Variants in MYRIP observed in about 807,000 individuals in gnomAD.
MYRIP encodes rab effector MyRIP.
In MYRIP, 49 loss-of-function variants were observed where a neutral mutation model predicts 98.0. The observed-to-expected ratio is 0.50, with a 90% CI of 0.40 to 0.63. The LOEUF (loss-of-function observed/expected upper bound fraction) is 0.63, where lower values mean the gene tolerates loss of function less well. Ranked by LOEUF, MYRIP falls within the 30% of genes least tolerant of loss-of-function variation. The pLI is 0.00. For missense variants in MYRIP, 1,004 were observed against 1,058.2 expected (o/e 0.95, Z 0.71); for synonymous variants, 404 against 409.5 (o/e 0.99, Z 0.16).
At chr3:40,120,941 C>T (rs1294908777) in intron 3 of MYRIP, among the ~76,000 whole-genome samples, 1 of 152,022 alleles carries the variant, frequency 6.6e-6, no homozygotes. Context: ...CCCCCATCCC[C>T]CAGTCCTGAC....
intron 1 of MYRIP, among the ~76,000 whole-genome samples, chr3:39,883,367 A>ATTT (rs1479368611): frequency 6.6e-6 from 1 of 152,186 alleles, no homozygotes; most frequent in Non-Finnish European, 1.5e-5. Flanking sequence ...ACAAACATAC[A>ATTT]TCCTCTCTAG....
chr3:40,098,605 C>T (rs1019294923), intron 3 of MYRIP, among the ~76,000 whole-genome samples: 4 of 152,118 alleles, frequency 2.6e-5, no homozygotes, highest in Non-Finnish European at 4.4e-5. Context: ...CTAGTGCTAC[C>T]AACCTCTTCA....
chr3:40,077,904 C>T (rs2125866129), intron 3 of MYRIP, among the ~76,000 whole-genome samples: 1 of 150,406 alleles, frequency 6.6e-6, no homozygotes, highest in South Asian at 2.1e-4. Context: ...GCCTGCCAGT[C>T]CCGCGCCCTG....
rs897903747 is a variant in MYRIP, at chr3:39,915,041, A to T, written c.110+14115A>T. 8.5e-5 allele frequency among the ~76,000 whole-genome samples: 13 copies of T among 152,208 alleles called. No individual in the cohort carries two copies. The East Asian group carries it at 2.5e-3, about 29-fold the overall frequency. On this transcript the variant is annotated intron_variant, in intron 2 of 16. Coordinates refer to ENST00000302541, the MANE Select transcript of MYRIP (RefSeq NM_015460.4). ...TGTCATTGGATCATAACATTTCTAC[A>T]TGGAAGAACAAAGGCCTTAACAGTA...
At chr3:40,021,456 A>G (rs1946995899) in intron 2 of MYRIP, among the ~76,000 whole-genome samples, 1 of 152,250 alleles carries the variant, frequency 6.6e-6, no homozygotes, top group Admixed American at 6.5e-5. Context: ...TAAATGTCAG[A>G]AAATGTGTGA....
chr3:39,981,750 C>T (rs1047430510), intron 2 of MYRIP, among the ~76,000 whole-genome samples: 3 of 152,154 alleles, frequency 2.0e-5, no homozygotes, highest in African/African-American at 7.2e-5. Flanking sequence ...ATTGCAGGAA[C>T]ATATGTTACG....
chr3:39,923,574 T>C (rs1944351226), intron 2 of MYRIP, among the ~76,000 whole-genome samples: 1 of 152,082 alleles, frequency 6.6e-6, no homozygotes, highest in Admixed American at 6.5e-5. Flanking sequence ...AAATATTCTT[T>C]AGGAATGAAG....
intron 2 of MYRIP, among the ~76,000 whole-genome samples, chr3:40,025,282 A>C (rs943070046): frequency 6.6e-6 from 1 of 152,162 alleles, no homozygotes; most frequent in African/African-American, 2.4e-5. Context: ...TGTCATTAAC[A>C]TTTGGAGGGA....
intron 8 of MYRIP, among the ~76,000 whole-genome samples, chr3:40,181,331 C>G (rs1212671666): frequency 1.1e-4 from 17 of 152,098 alleles, no homozygotes; most frequent in Admixed American, 1.1e-3. Flanking sequence ...GGCTAGGTAC[C>G]TGTGGGAGAG....
At chr3:39,994,500 T>A (rs1946281081) in intron 2 of MYRIP, among the ~76,000 whole-genome samples, 1 of 152,184 alleles carries the variant, frequency 6.6e-6, no homozygotes, top group Admixed American at 6.5e-5. Flanking sequence ...GAGGGGCGCC[T>A]GCCATTGCTG....
At chr3:39,885,523 C>T (rs897631710) in intron 1 of MYRIP, among the ~76,000 whole-genome samples, 1 of 152,062 alleles carries the variant, frequency 6.6e-6, no homozygotes, top group African/African-American at 2.4e-5. Flanking sequence ...CTCTGTATTT[C>T]CTGAATCTGA....
At chr3:40,114,159 T>C (rs531588299) in intron 3 of MYRIP, among the ~76,000 whole-genome samples, 19 of 152,336 alleles carry the variant, frequency 1.2e-4, no homozygotes, top group African/African-American at 4.3e-4. Flanking sequence ...AACAACATAC[T>C]GCATATACAA....
chr3:39,955,523 G>A (rs1293666312), intron 2 of MYRIP, among the ~76,000 whole-genome samples: 1 of 152,098 alleles, frequency 6.6e-6, no homozygotes, highest in Non-Finnish European at 1.5e-5. Context: ...AGCTCCTGAA[G>A]GAAGCACTAA....
intron 1 of MYRIP, among the ~76,000 whole-genome samples, chr3:39,872,198 A>C (rs1942812986): frequency 1.3e-5 from 2 of 152,088 alleles, no homozygotes; most frequent in African/African-American, 4.8e-5. Context: ...TTACATAGAG[A>C]AATGTAAAGA....
chr3:39,963,068 T>C (rs1055877866), intron 2 of MYRIP, among the ~76,000 whole-genome samples: 14 of 152,104 alleles, frequency 9.2e-5, no homozygotes, highest in African/African-American at 3.4e-4. Flanking sequence ...CTAGATGTTA[T>C]AGAAACGTAA....
In MYRIP at chr3:40,038,549, A is replaced by G. The variant is rs141021527; in HGVS notation, c.111-5501A>G. 8.5e-5 allele frequency among the ~76,000 whole-genome samples: 13 copies of G among 152,272 alleles called. No homozygotes were observed. In the East Asian group the frequency reaches 2.3e-3, roughly 27 times the overall value. On this transcript the variant is annotated intron_variant, in intron 2 of 16. Transcript: ENST00000302541. ...CAAATAAACAATATTCTGAAAGAAA[A>G]GAGGGACATAATGACAGAGGTAGCA... is the stretch of plus-strand genomic sequence containing the variant.
chr3:40,252,781 A>G (rs1038142038), intron 16 of MYRIP, among the ~76,000 whole-genome samples: 1 of 152,136 alleles, frequency 6.6e-6, no homozygotes, highest in Admixed American at 6.5e-5. Flanking sequence ...TCAGCTTTAA[A>G]CTTACCCACA....
intron 1 of MYRIP, among the ~76,000 whole-genome samples, chr3:39,899,899 C>A (rs1407742587): frequency 6.6e-6 from 1 of 152,208 alleles, no homozygotes; most frequent in Non-Finnish European, 1.5e-5. Context: ...CAGCTCACTG[C>A]AACCTCTGCC....
intron 2 of MYRIP, among the ~76,000 whole-genome samples, chr3:39,995,128 T>C (rs1233343508): frequency 6.6e-6 from 1 of 151,840 alleles, no homozygotes; most frequent in African/African-American, 2.4e-5. Flanking sequence ...AATATCAGAG[T>C]GCCTCTCCTC....
Sources: gnomAD v4.1 joint callset for allele counts (sites outside exome capture counted in the v4.1 genomes callset) on GRCh38, gnomAD v4.1.1 for gene constraint, MANE v1.5 for transcripts, NCBI Gene and HGNC (gene_info 2026-07-23, HGNC 2026-07-21) for gene names.